The following DYSF variants were observed in gnomAD, a reference collection of about 807,000 sequenced individuals.
DYSF encodes dysferlin, also known as dystrophy-associated fer-1-like 1.
In DYSF, 212 loss-of-function variants were observed where a neutral mutation model predicts 274.9. The ratio of observed to expected loss-of-function variants is 0.77; its 90% confidence interval spans 0.69 to 0.86. DYSF has a LOEUF of 0.86. DYSF is among the 40% of genes least tolerant of loss of function. DYSF has a pLI of 0.00. For missense variants in DYSF, 2,666 were observed against 2,783.2 expected (o/e 0.96, Z 0.95); for synonymous variants, 1,091 against 1,078.7 (o/e 1.01, Z -0.22).
At chr2:71,578,115 C>T (rs753165517) in intron 30 of DYSF, among the ~76,000 whole-genome samples, 6 of 152,122 alleles carry the variant, frequency 3.9e-5, no homozygotes, top group South Asian at 2.1e-4. Context: ...AAGCAGGCAC[C>T]GTCTGGGGAT....
In DYSF at chr2:71,516,089, G is replaced by A. The variant is rs1573662075; in HGVS notation, c.889-91G>A. On this transcript the variant is annotated intron_variant, in intron 8 of 55. Coordinates refer to ENST00000410020, the MANE Select transcript of DYSF (RefSeq NM_001130987.2). ...ATTTTCTGAGGGGACTAAACTGCTAGGCGTGGAGGCTTGGGGGTGGTGGTC... is the reference window on the plus strand; with the variant it reads ...ATTTTCTGAGGGGACTAAACTGCTAAGCGTGGAGGCTTGGGGGTGGTGGTC... 5.5e-6 allele frequency: 7 copies of A among 1,270,692 alleles called. No homozygotes were observed. The East Asian group carries it at 1.4e-4, about 25-fold the overall frequency. The allele number at this position is 1,270,692 out of a possible 1,614,324, so 78.7% of individuals were successfully genotyped here. A position where few individuals can be genotyped will look rare whatever the true frequency, so the allele number is the denominator to read the frequency against.
At chr2:71,496,319 G>C (rs1296951906) in intron 3 of DYSF, among the ~76,000 whole-genome samples, 1 of 152,098 alleles carries the variant, frequency 6.6e-6, no homozygotes, top group Non-Finnish European at 1.5e-5. Flanking sequence ...AGAGTGGGAG[G>C]CCACGCTGTG....
chr2:71,589,506 C>A, intron 30 of DYSF, 87 bp from the exon 31 acceptor site: 2 of 1,032,722 alleles, frequency 1.9e-6, no homozygotes, highest in Non-Finnish European at 3.1e-6. Context: ...GATCTCCTGG[C>A]CCTGGGGATC....
intron 34 of DYSF, 148 bp downstream of exon 34, chr2:71,600,990 A>C: frequency 4.9e-6 from 5 of 1,019,170 alleles, no homozygotes; most frequent in East Asian, 2.6e-5. Context: ...ACCATCTAAC[A>C]TCGGAATAGA....
At chr2:71,581,359 G>A (rs1278764976) in intron 30 of DYSF, among the ~76,000 whole-genome samples, 1 of 152,242 alleles carries the variant, frequency 6.6e-6, no homozygotes, top group African/African-American at 2.4e-5. Flanking sequence ...AAATTAAATG[G>A]GGTTGCACTC....
intron 41 of DYSF, among the ~76,000 whole-genome samples, chr2:71,631,986 C>G (rs6752900): frequency 0.046 from 7,041 of 152,166 alleles, 210 homozygotes; most frequent in Middle Eastern, 0.13. Context: ...TCCACCACCC[C>G]CTGCCCCAAG....
chr2:71,506,506 C>A (rs1304365833), intron 4 of DYSF, among the ~76,000 whole-genome samples: 1 of 152,088 alleles, frequency 6.6e-6, no homozygotes, highest in East Asian at 1.9e-4. Context: ...AGACTGAGGA[C>A]CTGGGCTGTC....
At chr2:71,674,100 C>T in intron 51 of DYSF, 97 bp from the exon 52 acceptor site, 2 of 1,079,450 alleles carry the variant, frequency 1.9e-6, no homozygotes, top group Non-Finnish European at 2.8e-6. Context: ...CATCCTACTC[C>T]TCTGCCTCCT....
chr2:71,539,017 T>C (rs1199428896), intron 16 of DYSF, 140 bp from the exon 17 acceptor site: 7 of 743,956 alleles, frequency 9.4e-6, no homozygotes, highest in Non-Finnish European at 1.7e-5. Context: ...CTCAGTAACA[T>C]ACCAAAGTGA....
chr2:71,461,701 G>A (rs180768104), upstream of DYSF, among the ~76,000 whole-genome samples: 170 of 152,362 alleles, frequency 1.1e-3, no homozygotes, highest in African/African-American at 3.9e-3. Flanking sequence ...GGCACCTGCA[G>A]TGGCCTGGGC....
intron 32 of DYSF, among the ~76,000 whole-genome samples, chr2:71,592,266 A>G (rs1198149779): frequency 1.3e-5 from 2 of 152,130 alleles, no homozygotes; most frequent in Non-Finnish European, 1.5e-5. Flanking sequence ...TCCCCTCTGG[A>G]GACGGCATTG....
chr2:71,479,073 C>G (rs1327404177), intron 1 of DYSF, among the ~76,000 whole-genome samples: 3 of 151,504 alleles, frequency 2.0e-5, no homozygotes, highest in African/African-American at 7.3e-5. Flanking sequence ...CCAGGCAGGA[C>G]TCTCTGAAAG....
intron 7 of DYSF, 90 bp downstream of exon 7, chr2:71,514,011 G>A: frequency 2.0e-6 from 3 of 1,481,730 alleles, no homozygotes; most frequent in South Asian, 1.2e-5. Context: ...AGCTTCAGGG[G>A]AAGATGTGTG....
intron 6 of DYSF, 35 bp downstream of exon 6, chr2:71,513,367 C>T: frequency 6.5e-7 from 1 of 1,539,484 alleles, no homozygotes; most frequent in Non-Finnish European, 8.8e-7. Flanking sequence ...TGATCCCAGA[C>T]CCTCCCTGTA....
At chr2:71,663,655 A>T (rs1030494421) in intron 45 of DYSF, among the ~76,000 whole-genome samples, 9 of 152,320 alleles carry the variant, frequency 5.9e-5, no homozygotes, top group African/African-American at 1.7e-4. Flanking sequence ...TCTCCCTTTG[A>T]TGCACATGGT....
intron 41 of DYSF, among the ~76,000 whole-genome samples, chr2:71,640,260 A>G (rs2094466432): frequency 1.3e-5 from 2 of 152,248 alleles, no homozygotes; most frequent in Non-Finnish European, 2.9e-5. Flanking sequence ...AATGCTGACT[A>G]TTGCTTTAAA....
chr2:71,466,787 G>T lies in DYSF; in HGVS notation c.-56G>T. 6.9e-7 allele frequency: 1 copy of T among 1,450,614 alleles called. No individual in the cohort carries two copies. The highest frequency in any genetic ancestry group is 1.3e-5 in the South Asian group (1 of 74,418). 89.9% of individuals were successfully genotyped at this position (1,450,614 alleles called of 1,614,324 possible). ...GCTTGCTGGGTGGGTGCTCGGGCCCGGTGCTCCCGCTCCCGCCCTGACTGC... is the reference window on the plus strand; with the variant it reads ...GCTTGCTGGGTGGGTGCTCGGGCCCTGTGCTCCCGCTCCCGCCCTGACTGC... On this transcript the variant is annotated 5_prime_UTR_variant, in exon 1 of 56. Transcript: ENST00000410020.
At chr2:71,661,729 C>A (rs2094884801) in intron 45 of DYSF, among the ~76,000 whole-genome samples, 1 of 152,162 alleles carries the variant, frequency 6.6e-6, no homozygotes, top group African/African-American at 2.4e-5. Context: ...CAGAAGACAC[C>A]TACTGTTCCG....
At chr2:71,513,414 CG>C (rs2086311589) in intron 6 of DYSF, 82 bp downstream of exon 6, 6 of 1,449,604 alleles carry the variant, frequency 4.1e-6, no homozygotes, top group Non-Finnish European at 5.6e-6. Flanking sequence ...CTTGCTGGAG[CG>C]GGGCCAGGTG....
Sources: allele counts gnomAD v4.1 joint callset (sites outside exome capture counted in the v4.1 genomes callset), GRCh38; gene constraint gnomAD v4.1.1; transcripts MANE v1.5; gene names NCBI Gene and HGNC (gene_info 2026-07-23, HGNC 2026-07-21).